Variants in FBXO30 observed in about 807,000 individuals in gnomAD.
FBXO30 encodes the protein F-box only protein 30.
In FBXO30, 21 loss-of-function variants were observed where a neutral mutation model predicts 58.1. The ratio of observed to expected loss-of-function variants is 0.36; its 90% CI spans 0.26 to 0.52. The LOEUF (loss-of-function observed/expected upper bound fraction) is 0.52. FBXO30 is among the 20% of genes least tolerant of loss of function. The pLI, the probability that FBXO30 is intolerant of heterozygous loss-of-function variation, is 0.93. For missense variants in FBXO30, 744 were observed against 897.3 expected (o/e 0.83, Z 2.18); for synonymous variants, 309 against 312.4 (o/e 0.99, Z 0.11).
intron 1 of FBXO30, among the ~76,000 whole-genome samples, chr6:145,810,876 A>G (rs910890191): frequency 6.6e-6 from 1 of 152,146 alleles, no homozygotes; most frequent in African/African-American, 2.4e-5. Flanking sequence ...CCTCTAACAC[A>G]CAGACACAGA....
At chr6:145,811,744 C>T (rs1335123857) in intron 1 of FBXO30, among the ~76,000 whole-genome samples, 1 of 152,202 alleles carries the variant, frequency 6.6e-6, no homozygotes, top group African/African-American at 2.4e-5. Flanking sequence ...ATACTTAAAA[C>T]AGTAATATAC....
At chr6:145,807,983 T>A (rs1778226275) in intron 1 of FBXO30, among the ~76,000 whole-genome samples, 1 of 151,704 alleles carries the variant, frequency 6.6e-6, no homozygotes. Flanking sequence ...AACAAAAAAA[T>A]TAGCCAGGCA....
chr6:145,813,625 GAACA>G (rs1401725760), intron 1 of FBXO30, among the ~76,000 whole-genome samples: 1 of 152,128 alleles, frequency 6.6e-6, no homozygotes, highest in Non-Finnish European at 1.5e-5. Context: ...GGTCTCTAAA[GAACA>G]AACAGTATTG....
Position 145,800,015 on chromosome 6 carries a change from G to A in FBXO30, c.*91C>T. 1.1e-6 allele frequency: 1 copy of A among 902,060 alleles called. No homozygotes were observed. The highest frequency in any genetic ancestry group is 1.6e-5 in the South Asian group (1 of 61,234). The allele number at this position is 902,060 out of a possible 1,614,324, so 55.9% of individuals were successfully genotyped here. ...TACACAGTGACAATAAATTTAGCTA[G>A]TTGTAATATTTAATACATTAATAAA... is the stretch of plus-strand genomic sequence containing the variant. On this transcript the variant is annotated 3_prime_UTR_variant, in exon 3 of 3. Transcript: ENST00000237281.
chr6:145,801,033 C>G (rs932390369), intron 2 of FBXO30, among the ~76,000 whole-genome samples: 1 of 151,890 alleles, frequency 6.6e-6, no homozygotes, highest in Non-Finnish European at 1.5e-5. Context: ...TTTTGTCCAC[C>G]CAACTGCTCT....
rs114641560 is a variant in FBXO30 at position 145,814,289 on chromosome 6, G to T, written c.-17+314C>A. On this transcript the variant is annotated intron_variant, in intron 1 of 2. Transcript: ENST00000237281. ...TTCCCAATACAAAGACACACAAACTGGGGGGGACACGGAGGTCGGTGCCCT... is the reference window on the plus strand; with the variant it reads ...TTCCCAATACAAAGACACACAAACTTGGGGGGACACGGAGGTCGGTGCCCT... Among the ~76,000 whole-genome samples the T allele has an allele frequency of 4.2e-3, 633 of 152,178 alleles. 9 individuals carry two copies. The highest frequency in any genetic ancestry group is 0.014 in the African/African-American group (585 of 41,520).
rs1189719310 is a variant in FBXO30, at chr6:145,794,287, TAAC to T, written c.*5816_*5818del. On this transcript the variant is annotated 3_prime_UTR_variant, in exon 3 of 3. Coordinates refer to ENST00000237281, the MANE Select transcript of FBXO30 (RefSeq NM_032145.5). ...ATATCACATCTTTCTGCATTTAAGG[TAAC>T]AACATTTATGTAAATCATGAGAAAA... 2.6e-5 allele frequency: 4 copies of T among 152,094 alleles called. No homozygotes were observed. The highest frequency in any genetic ancestry group is 2.1e-4 in the South Asian group (1 of 4,832). The allele number at this position is 152,094 out of a possible 1,614,324, so 9.4% of individuals were successfully genotyped here. A position where few individuals can be genotyped will look rare whatever the true frequency, so the allele number is the denominator to read the frequency against.
At chr6:145,808,395 T>C (rs1339924050) in intron 1 of FBXO30, among the ~76,000 whole-genome samples, 1 of 152,166 alleles carries the variant, frequency 6.6e-6, no homozygotes, top group Non-Finnish European at 1.5e-5. Context: ...ATCCTGATGA[T>C]GACTAATCCC....
In FBXO30 at chr6:145,794,903, T is replaced by A. The variant is rs1777840302; in HGVS notation, c.*5203A>T. 1 of 151,668 alleles carries A rather than the reference T, an allele frequency of 6.6e-6. No homozygotes were observed. The highest frequency in any genetic ancestry group is 1.5e-5 in the Non-Finnish European group (1 of 67,744). 9.4% of individuals were successfully genotyped at this position (151,668 alleles called of 1,614,324 possible). On this transcript the variant is annotated 3_prime_UTR_variant, in exon 3 of 3. Coordinates refer to ENST00000237281, the MANE Select transcript of FBXO30 (RefSeq NM_032145.5). ...AATTCAGGGTCACCTCACCAGAAAATTAATGTCATGGGATAAAGAAGCAAT... is the reference window on the plus strand; with the variant it reads ...AATTCAGGGTCACCTCACCAGAAAAATAATGTCATGGGATAAAGAAGCAAT...
At position 145,805,132 on chromosome 6, in the gene FBXO30, A is replaced by G; in HGVS notation, c.1274T>C (p.Leu425Pro). 1 of 1,614,116 alleles carries G rather than the reference A, an allele frequency of 6.2e-7. No homozygotes were observed. The highest frequency in any genetic ancestry group is 1.1e-5 in the South Asian group (1 of 91,086). The change falls in exon 2 of 3, where the codon CTG (leucine) becomes CCG (proline). Residue 425 changes from leucine to proline, a missense_variant. Coordinates refer to ENST00000237281, the MANE Select transcript of FBXO30 (RefSeq NM_032145.5). ...EDPMGLQGID[L>P]ITAALLFCLG... ...ACAAAAAAGCAATGCTGCTGTGATC[A>G]GATCTATTCCTTGGAGGCCCATAGG... is the stretch of plus-strand genomic sequence containing the variant.
intron 1 of FBXO30, among the ~76,000 whole-genome samples, chr6:145,814,396 T>TCTCAGGGCGCCCGGACGGCCGACCC (rs1391475271): frequency 6.6e-6 from 1 of 151,886 alleles, no homozygotes; most frequent in African/African-American, 2.4e-5. Flanking sequence ...GCGGACGCCC[T>TCTCAGGGCGCCCGGACGGCCGACCC]CTCAGGGCGC....
In FBXO30 at chr6:145,800,014, A is replaced by G. The variant is rs188823663; in HGVS notation, c.*92T>C. 5.9e-4 allele frequency: 519 copies of G among 876,912 alleles called. 2 individuals are homozygous for G. Among genetic ancestry groups the G allele is most frequent in the Admixed American group, 9.4e-4 (41 of 43,828 alleles). The allele number at this position is 876,912 out of a possible 1,614,324, so 54.3% of individuals were successfully genotyped here. A position where few individuals can be genotyped will look rare whatever the true frequency, so the allele number is the denominator to read the frequency against. ...ATACACAGTGACAATAAATTTAGCT[A>G]GTTGTAATATTTAATACATTAATAA... On this transcript the variant is annotated 3_prime_UTR_variant, in exon 3 of 3. Coordinates refer to ENST00000237281, the MANE Select transcript of FBXO30 (RefSeq NM_032145.5).
At chr6:145,808,137 AAATAAT>A (rs953244911) in intron 1 of FBXO30, among the ~76,000 whole-genome samples, 1 of 152,070 alleles carries the variant, frequency 6.6e-6, no homozygotes, top group Non-Finnish European at 1.5e-5. Flanking sequence ...CTGTCTCAAA[AAATAAT>A]AATAATAATT....
At chr6:145,807,820 GATT>G (rs1202582126) in intron 1 of FBXO30, among the ~76,000 whole-genome samples, 1 of 151,954 alleles carries the variant, frequency 6.6e-6, no homozygotes, top group Admixed American at 6.6e-5. Flanking sequence ...AACTTTAAAA[GATT>G]ATTTAACCTT....
In FBXO30 at chr6:145,796,547, T is replaced by C. The variant is rs1777869842; in HGVS notation, c.*3559A>G. 2 of 152,012 alleles carry C rather than the reference T, an allele frequency of 1.3e-5. No individual in the cohort carries two copies. The highest frequency in any genetic ancestry group is 6.6e-5 in the Admixed American group (1 of 15,240). The allele number at this position is 152,012 out of a possible 1,614,324, so 9.4% of individuals were successfully genotyped here. On this transcript the variant is annotated 3_prime_UTR_variant, in exon 3 of 3. Transcript: ENST00000237281. The stretch of plus-strand genomic sequence containing the variant: ...AGTCTGTCCAGAGAATGAGGGCCAA[T>C]TGCTTTCTCTCTACTGCACTTCTAA...
In FBXO30 at chr6:145,804,398, T is replaced by G. The variant is rs1357493235; in HGVS notation, c.2008A>C (p.Asn670His). 1.2e-6 allele frequency: 2 copies of G among 1,612,658 alleles called. No individual in the cohort carries two copies. Among genetic ancestry groups the G allele is most frequent in the African/African-American group, 2.7e-5 (2 of 74,822 alleles). The change falls in exon 2 of 3, where the codon AAT becomes CAT. Residue 670 changes from asparagine (N) to histidine (H), a missense_variant. Asn to His is a moderately conservative substitution (Grantham distance 68). Transcript: ENST00000237281. ...TTTTCTTTTATCTGCCATGATGAATTTCCTTCTGGATACTTCCTTTTCCCC... is the reference window on the plus strand; with the variant it reads ...TTTTCTTTTATCTGCCATGATGAATGTCCTTCTGGATACTTCCTTTTCCCC... ...QWGKRKYPEG[N>H]SSWQIKEKVW...
rs1226279020 is a variant in FBXO30, at chr6:145,799,823, C to G, written c.*283G>C. The G allele has an allele frequency of 5.4e-6, 1 of 184,816 alleles. No individual in the cohort carries two copies. The highest frequency in any genetic ancestry group is 1.1e-5 in the Non-Finnish European group (1 of 89,714). The allele number at this position is 184,816 out of a possible 1,614,324, so 11.4% of individuals were successfully genotyped here. A position where few individuals can be genotyped will look rare whatever the true frequency, so the allele number is the denominator to read the frequency against. On this transcript the variant is annotated 3_prime_UTR_variant, in exon 3 of 3. Coordinates refer to ENST00000237281, the MANE Select transcript of FBXO30 (RefSeq NM_032145.5). ...AGTTTAAGAAGCAAAAATTTAAGAA[C>G]CAAAATATGCACACCACTGAAAATA...
chr6:145,808,789 T>A (rs1778254248), intron 1 of FBXO30, among the ~76,000 whole-genome samples: 1 of 152,220 alleles, frequency 6.6e-6, no homozygotes, highest in Admixed American at 6.5e-5. Flanking sequence ...ATTCTTATCC[T>A]GTTTTCTTCA....
rs556323790 is a variant in FBXO30, at chr6:145,796,623, A to G, written c.*3483T>C. On this transcript the variant is annotated 3_prime_UTR_variant, in exon 3 of 3. Coordinates refer to ENST00000237281, the MANE Select transcript of FBXO30 (RefSeq NM_032145.5). The stretch of plus-strand genomic sequence containing the variant: ...ACATCACCAATGTGGCATGTCATGC[A>G]TGAAACAAACACATTTTAAAATATT... The G allele has an allele frequency of 6.6e-6, 1 of 152,182 alleles. No individual in the cohort carries two copies. The highest frequency in any genetic ancestry group is 1.5e-5 in the Non-Finnish European group (1 of 67,936). The allele number at this position is 152,182 out of a possible 1,614,324, so 9.4% of individuals were successfully genotyped here. A position where few individuals can be genotyped will look rare whatever the true frequency, so the allele number is the denominator to read the frequency against.
Sources: gnomAD v4.1 joint callset for allele counts (sites outside exome capture counted in the v4.1 genomes callset) on GRCh38, gnomAD v4.1.1 for gene constraint, MANE v1.5 for transcripts, NCBI Gene and HGNC (gene_info 2026-07-23, HGNC 2026-07-21) for gene names.